ZEB1: variants seen among roughly 807,000 people sequenced by gnomAD.
ZEB1 encodes zinc finger E-box binding homeobox 1.
In ZEB1, 21 loss-of-function variants were observed where a neutral mutation model predicts 84.9. The observed-to-expected ratio is 0.25, with a 90% confidence interval of 0.18 to 0.36. ZEB1 has a LOEUF of 0.36. Among genes scored for constraint, ZEB1 ranks in the 10% least tolerant of loss-of-function variants. ZEB1 has a pLI of 1.00. For synonymous variants in ZEB1, 420 were observed against 471.1 expected, an observed-to-expected ratio of 0.89 and a Z score of 1.41; for missense variants, 1,104 against 1,330.2, an observed-to-expected ratio of 0.83 and a Z score of 2.65.
At chr10:31,321,951 G>A (rs2034190882) in intron 1 of ZEB1, 1 of 231,064 alleles carries the variant, frequency 4.3e-6, no homozygotes, top group South Asian at 6.5e-5. Flanking sequence ...TACCACGCTT[G>A]CTGTCAGTGT....
In ZEB1 at chr10:31,520,383, C is replaced by T; in HGVS notation, c.1051C>T (p.Pro351Ser). The T allele has an allele frequency of 6.2e-7, 1 of 1,613,890 alleles. No individual in the cohort carries two copies. Among genetic ancestry groups the T allele is most frequent in the Non-Finnish European group, 8.5e-7 (1 of 1,179,930 alleles). Residue 351 changes from proline to serine, a missense_variant, in exon 7 of 9, where the codon CCT becomes TCT. Pro to Ser is a moderately conservative substitution (Grantham distance 74). This residue lies in a region of ZEB1 where 111 missense variants were observed against 161.8 expected (regional missense o/e 0.69). Coordinates refer to ENST00000424869, the MANE Select transcript of ZEB1 (RefSeq NM_001174096.2). This position sits in a 1 kb window ranked among gnomAD's most constrained non-coding sequence, Gnocchi z 5.1. ...TTCTGTTAACCAAATTAAAACTGAA[C>T]CTGTGGATTATGAATTCAAACCCAT... ...QLSVNQIKTE[P>S]VDYEFKPIVV...
rs373699991 is a variant in ZEB1 at position 31,354,838 on chromosome 10, T to C, written c.58+35546T>C. Among the ~76,000 whole-genome samples the C allele has an allele frequency of 1.8e-4, 28 of 152,334 alleles. No homozygotes were observed. The East Asian group carries it at 5.2e-3, about 28-fold the overall frequency. ...GTTTCAATGCTGCATTATAGTGATC[T>C]TTAAAAGACATTTTAAGAGGTAATT... On this transcript the variant is annotated intron_variant, in intron 1 of 8. Transcript: ENST00000424869.
At chr10:31,475,003 T>A (rs1317151928) in intron 2 of ZEB1, among the ~76,000 whole-genome samples, 1 of 147,938 alleles carries the variant, frequency 6.8e-6, no homozygotes, top group Non-Finnish European at 1.5e-5. Context: ...TAGGTGGGAA[T>A]TGAACAATGA....
chr10:31,414,528 G>C (rs571716700), intron 1 of ZEB1, among the ~76,000 whole-genome samples: 8 of 152,276 alleles, frequency 5.3e-5, no homozygotes, highest in African/African-American at 1.7e-4. Context: ...TTGAAAATTA[G>C]AGGGGCTACT....
intron 1 of ZEB1, among the ~76,000 whole-genome samples, chr10:31,358,971 T>C (rs542639875): frequency 6.6e-6 from 1 of 152,346 alleles, no homozygotes; most frequent in African/African-American, 2.4e-5. Context: ...CTTTATTTAC[T>C]TATATTAGCA....
intron 2 of ZEB1, among the ~76,000 whole-genome samples, chr10:31,472,552 T>A (rs912524336): frequency 1.4e-5 from 2 of 145,852 alleles, no homozygotes; most frequent in Non-Finnish European, 3.0e-5. Context: ...GATCTGAAAT[T>A]GTGGCAATAA....
chr10:31,368,282 G>T (rs950691387), intron 1 of ZEB1, among the ~76,000 whole-genome samples: 1 of 151,936 alleles, frequency 6.6e-6, no homozygotes, highest in African/African-American at 2.4e-5. Context: ...AGCCTCCCAA[G>T]TTAGCTGGGA....
chr10:31,472,806 T>G (rs984260526), intron 2 of ZEB1, among the ~76,000 whole-genome samples: 1 of 139,606 alleles, frequency 7.2e-6, no homozygotes, highest in African/African-American at 3.1e-5. Context: ...GCAAAAATCC[T>G]CAGTAAAATA....
At chr10:31,395,573 G>C (rs761485921) in intron 1 of ZEB1, among the ~76,000 whole-genome samples, 1 of 152,108 alleles carries the variant, frequency 6.6e-6, no homozygotes, top group Non-Finnish European at 1.5e-5. Flanking sequence ...TTGGGCAGGG[G>C]AAAGAAAAGA....
chr10:31,337,683 GTTTTTTTT>G (rs756379165), intron 1 of ZEB1, among the ~76,000 whole-genome samples: 1 of 98,842 alleles, frequency 1.0e-5, no homozygotes, highest in Non-Finnish European at 2.0e-5. Context: ...ATTTCTTTCT[GTTTTTTTT>G]TTTTTTTTTT....
intron 2 of ZEB1, among the ~76,000 whole-genome samples, chr10:31,470,520 A>G (rs1196109915): frequency 6.7e-6 from 1 of 148,834 alleles, no homozygotes; most frequent in Non-Finnish European, 1.5e-5. Flanking sequence ...AGAAAAAAGA[A>G]TAAAAAGAAA....
chr10:31,425,051 G>C (rs2056751473), intron 1 of ZEB1, among the ~76,000 whole-genome samples: 1 of 151,814 alleles, frequency 6.6e-6, no homozygotes, highest in Admixed American at 6.6e-5. Context: ...GAAAACATTT[G>C]GTAGGTTAAC....
At chr10:31,320,587 C>T (rs1192443398) in intron 1 of ZEB1, 1 of 152,076 alleles carries the variant, frequency 6.6e-6, no homozygotes, top group Non-Finnish European at 1.5e-5. Context: ...GGGAAACACA[C>T]ACCCCTCTGC....
intron 1 of ZEB1, chr10:31,321,647 A>G: frequency 6.8e-6 from 10 of 1,465,108 alleles, no homozygotes; most frequent in Non-Finnish European, 8.6e-6. Flanking sequence ...AGTCTGAACC[A>G]CCCAGCGTCT....
chr10:31,502,200 T>C lies in ZEB1; in HGVS notation c.323-148T>C, dbSNP rs1036778575. 15 of 792,300 alleles carry C rather than the reference T, an allele frequency of 1.9e-5. No homozygotes were observed. The Admixed American group carries it at 3.9e-4, about 20-fold the overall frequency. 49.1% of individuals were successfully genotyped at this position (792,300 alleles called of 1,614,324 possible). ...TCTTAATACATTACAACAAAATGAG[T>C]GGAATTCATTTTTAATTTTCAAGAA... On this transcript the variant is annotated intron_variant, in intron 3 of 8. Transcript: ENST00000424869.
chr10:31,454,265 A>C (rs962061552), intron 1 of ZEB1, among the ~76,000 whole-genome samples: 1 of 152,204 alleles, frequency 6.6e-6, no homozygotes, highest in African/African-American at 2.4e-5. Flanking sequence ...TGTATCTCAA[A>C]ATAATAAAAG....
At chr10:31,453,542 A>G (rs531474598) in intron 1 of ZEB1, among the ~76,000 whole-genome samples, 15 of 152,310 alleles carry the variant, frequency 9.8e-5, no homozygotes, top group Admixed American at 6.5e-4. Flanking sequence ...AGATATTTAC[A>G]TGAGACTTTA....
At chr10:31,454,718 C>T (rs375592538) in intron 1 of ZEB1, among the ~76,000 whole-genome samples, 2 of 152,200 alleles carry the variant, frequency 1.3e-5, no homozygotes, top group East Asian at 3.9e-4. Context: ...TGTGAAGGAC[C>T]TCTTCAAGGA....
chr10:31,411,210 C>A (rs1180282100), intron 1 of ZEB1, among the ~76,000 whole-genome samples: 2 of 152,164 alleles, frequency 1.3e-5, no homozygotes, highest in East Asian at 3.8e-4. Context: ...TTAAGAAACT[C>A]ACTCACAACC....
Sources: allele counts gnomAD v4.1 joint callset (sites outside exome capture counted in the v4.1 genomes callset), GRCh38; gene constraint gnomAD v4.1.1; regional missense constraint gnomAD v4.1.1; non-coding constraint Gnocchi (gnomAD v3.1); transcripts MANE v1.5; gene names NCBI Gene and HGNC (gene_info 2026-07-23, HGNC 2026-07-21).